The following INSYN2B variants were observed in gnomAD, a reference collection of about 807,000 sequenced individuals.
INSYN2B encodes inhibitory synaptic factor family member 2B.
INSYN2B carries 16 observed loss-of-function variants against 41.2 expected under a neutral mutation model. The ratio of observed to expected loss-of-function variants is 0.39; its 90% CI spans 0.26 to 0.59. The LOEUF (loss-of-function observed/expected upper bound fraction) is 0.59, where lower values mean the gene tolerates loss of function less well. INSYN2B is among the 20% of genes least tolerant of loss of function. The pLI, the probability that INSYN2B is intolerant of heterozygous loss-of-function variation, is 0.57. For missense variants in INSYN2B, 608 were observed against 646.4 expected, an observed-to-expected ratio of 0.94 and a Z score of 0.64; for synonymous variants, 245 against 244.4, an observed-to-expected ratio of 1.00 and a Z score of -0.02.
Position 169,883,199 on chromosome 5 carries a change from G to C in INSYN2B, c.700C>G (p.His234Asp). ...DRSAEVSNSIHPLDDTRPGDG... is the reference protein window; with the variant it reads ...DRSAEVSNSIDPLDDTRPGDG... ...CCTGGACGTGTGTCATCCAAAGGGT[G>C]TATGGAGTTACTTACTTCAGCTGAC... The change falls in exon 2 of 4, where the codon CAC (histidine) becomes GAC (aspartate). Residue 234 changes from histidine (H) to aspartate (D), a missense_variant. Coordinates refer to ENST00000377365, the MANE Select transcript of INSYN2B (RefSeq NM_001129891.3). 6.4e-7 allele frequency: 1 copy of C among 1,551,636 alleles called. No homozygotes were observed. Among genetic ancestry groups the C allele is most frequent in the South Asian group, 1.2e-5 (1 of 84,056 alleles).
In INSYN2B at chr5:169,864,416, C is replaced by T; in HGVS notation, c.1465G>A (p.Val489Ile). ...TCTGCTTCCTCCAGACTCTGCAAAACTTCATGGAACCTGCCTTCCTGCTGC... is the reference window on the plus strand; with the variant it reads ...TCTGCTTCCTCCAGACTCTGCAAAATTTCATGGAACCTGCCTTCCTGCTGC... ...FRQQEGRFHE[V>I]LQSLEEAEPV... is the part of the protein sequence containing the mutation. The change falls in exon 4 of 4, where the codon GTT becomes ATT. Residue 489 changes from valine to isoleucine, a missense_variant. Physicochemically the swap from Val to Ile is conservative, Grantham distance 29. Transcript: ENST00000377365. The T allele has an allele frequency of 1.9e-6, 3 of 1,550,134 alleles. No individual in the cohort carries two copies. The highest frequency in any genetic ancestry group is 2.6e-6 in the Non-Finnish European group (3 of 1,146,306).
chr5:169,965,282 G>T (rs1777255108), intron 1 of INSYN2B, among the ~76,000 whole-genome samples: 1 of 152,214 alleles, frequency 6.6e-6, no homozygotes, highest in African/African-American at 2.4e-5. Context: ...TCAGCTGCGG[G>T]CTGGGGCTTG....
chr5:169,906,937 T>A (rs1204567935), intron 1 of INSYN2B, among the ~76,000 whole-genome samples: 1 of 152,146 alleles, frequency 6.6e-6, no homozygotes, highest in Admixed American at 6.6e-5. Context: ...GGAAATACTA[T>A]CATTCAATAA....
At chr5:169,866,006 G>A (rs1771528186) in intron 3 of INSYN2B, among the ~76,000 whole-genome samples, 1 of 152,218 alleles carries the variant, frequency 6.6e-6, no homozygotes. Flanking sequence ...TTCTGAGATG[G>A]AAGAGGCAGG....
intron 3 of INSYN2B, among the ~76,000 whole-genome samples, chr5:169,877,331 A>T (rs1772390241): frequency 6.6e-6 from 1 of 152,204 alleles, no homozygotes; most frequent in Non-Finnish European, 1.5e-5. Context: ...TACTTGAGAT[A>T]AGGGAAAAGA....
chr5:169,881,375 T>C lies in INSYN2B; in HGVS notation c.1414A>G (p.Ile472Val). The C allele has an allele frequency of 3.2e-6, 5 of 1,551,494 alleles. No homozygotes were observed. Among genetic ancestry groups the C allele is most frequent in the Non-Finnish European group, 4.4e-6 (5 of 1,146,794 alleles). ...CSTCQNTACI[I>V]YSVEYDFRQQ... The stretch of plus-strand genomic sequence containing the variant: ...TCGCTTGTGGCCAGGTACCTGTATA[T>C]GATGCACGCCGTGTTCTGGCAGGTA... Residue 472 changes from isoleucine (I) to valine (V), a missense_variant, in exon 3 of 4, where the codon ATA becomes GTA. Coordinates refer to ENST00000377365, the MANE Select transcript of INSYN2B (RefSeq NM_001129891.3).
In INSYN2B at chr5:169,884,605, C is replaced by T. The variant is rs1772862515; in HGVS notation, c.-707G>A. 1 of 152,194 alleles carries T rather than the reference C, an allele frequency of 6.6e-6. No individual in the cohort carries two copies. Among genetic ancestry groups the T allele is most frequent in the Non-Finnish European group, 1.5e-5 (1 of 68,044 alleles). 9.4% of individuals were successfully genotyped at this position (152,194 alleles called of 1,614,324 possible). ...GGAAACTTATCTTCCTAAATAGCCTCACAAAACCCAGTGGGGTATGACCAG... is the reference window on the plus strand; with the variant it reads ...GGAAACTTATCTTCCTAAATAGCCTTACAAAACCCAGTGGGGTATGACCAG... On this transcript the variant is annotated 5_prime_UTR_variant, in exon 2 of 4. Coordinates refer to ENST00000377365, the MANE Select transcript of INSYN2B (RefSeq NM_001129891.3).
chr5:169,888,823 GA>G (rs1388204118), intron 1 of INSYN2B, among the ~76,000 whole-genome samples: 1 of 152,216 alleles, frequency 6.6e-6, no homozygotes, highest in Admixed American at 6.5e-5. Flanking sequence ...TGGTAGCCAT[GA>G]GACACTTGTG....
intron 1 of INSYN2B, chr5:169,934,532 G>A (rs927063468): frequency 1.0e-4 from 43 of 416,690 alleles, no homozygotes; most frequent in Non-Finnish European, 2.0e-4. Context: ...ATTTCTTCCA[G>A]CCTAATTGTA....
At chr5:169,937,408 G>A (rs1463482774) in intron 1 of INSYN2B, among the ~76,000 whole-genome samples, 1 of 152,206 alleles carries the variant, frequency 6.6e-6, no homozygotes, top group African/African-American at 2.4e-5. Context: ...TTTCTTAAGT[G>A]TAAAATAGGG....
At chr5:169,867,546 A>G (rs1561778504) in intron 3 of INSYN2B, among the ~76,000 whole-genome samples, 2 of 151,850 alleles carry the variant, frequency 1.3e-5, no homozygotes, top group Non-Finnish European at 1.5e-5. Flanking sequence ...TCATGTATCT[A>G]TCATCTATCA....
At chr5:169,966,991 CA>C (rs779592619) in intron 1 of INSYN2B, among the ~76,000 whole-genome samples, 2 of 152,202 alleles carry the variant, frequency 1.3e-5, no homozygotes, top group Non-Finnish European at 2.9e-5. Flanking sequence ...CTGATTCTTC[CA>C]TCTGAGACCA....
chr5:169,872,759 A>G lies in INSYN2B; in HGVS notation c.1422-8300T>C, dbSNP rs1340114890. 3.3e-5 allele frequency among the ~76,000 whole-genome samples: 5 copies of G among 152,218 alleles called. No homozygotes were observed. The East Asian group carries it at 7.7e-4, about 23-fold the overall frequency. On this transcript the variant is annotated intron_variant, in intron 3 of 3. Transcript: ENST00000377365. The stretch of plus-strand genomic sequence containing the variant: ...GTCACAAGGAAAGAGGGGAAGGGAC[A>G]GGAAAGTCTTCTGAAAGTAGGACCT...
intron 1 of INSYN2B, among the ~76,000 whole-genome samples, chr5:169,887,632 G>T (rs1196514595): frequency 6.6e-6 from 1 of 151,992 alleles, no homozygotes; most frequent in Non-Finnish European, 1.5e-5. Context: ...GTATTTTTGT[G>T]GATATTTAGG....
chr5:169,954,434 CA>C, intron 1 of INSYN2B, among the ~76,000 whole-genome samples: 1 of 151,962 alleles, frequency 6.6e-6, no homozygotes, highest in East Asian at 1.9e-4. Flanking sequence ...TTTGAAGCCC[CA>C]AAAAATGTGT....
chr5:169,977,079 G>A (rs1777742044), intron 1 of INSYN2B, among the ~76,000 whole-genome samples: 1 of 152,200 alleles, frequency 6.6e-6, no homozygotes, highest in Admixed American at 6.5e-5. Context: ...GGGGAACTAA[G>A]TTTTCGATGA....
chr5:169,873,724 C>G (rs1011089163), intron 3 of INSYN2B, among the ~76,000 whole-genome samples: 1 of 152,210 alleles, frequency 6.6e-6, no homozygotes, highest in Non-Finnish European at 1.5e-5. Context: ...ATGCCTTTTT[C>G]TCTGGTTAGG....
chr5:169,880,342 A>G (rs1460911592), intron 3 of INSYN2B, among the ~76,000 whole-genome samples: 1 of 152,232 alleles, frequency 6.6e-6, no homozygotes, highest in Non-Finnish European at 1.5e-5. Context: ...TCTCTTACTC[A>G]TTGAAATTTC....
intron 3 of INSYN2B, among the ~76,000 whole-genome samples, chr5:169,868,116 G>C (rs1271467238): frequency 6.6e-6 from 1 of 152,176 alleles, no homozygotes; most frequent in Non-Finnish European, 1.5e-5. Context: ...AGATTTTCTT[G>C]TACAAAACAT....
Sources: gnomAD v4.1 joint callset for allele counts (sites outside exome capture counted in the v4.1 genomes callset) on GRCh38, gnomAD v4.1.1 for gene constraint, MANE v1.5 for transcripts, NCBI Gene and HGNC (gene_info 2026-07-23, HGNC 2026-07-21) for gene names.